The following ROBO1 variants were observed in gnomAD, a reference collection of about 807,000 sequenced individuals.
The protein encoded by ROBO1 is roundabout guidance receptor 1, also known as roundabout homolog 1.
ROBO1 carries 149 observed loss-of-function variants against 195.9 expected under a neutral mutation model. The observed-to-expected ratio is 0.76, with a 90% CI of 0.67 to 0.87. ROBO1 has a LOEUF of 0.87. Among genes scored for constraint, ROBO1 ranks in the 40% least tolerant of loss-of-function variants. ROBO1 has a pLI of 0.00. For missense variants in ROBO1, 1,933 were observed against 2,068.3 expected (o/e 0.93, Z 1.27); for synonymous variants, 816 against 733.2 (o/e 1.11, Z -1.82).
chr3:78,888,114 A>G (rs2036670630), intron 4 of ROBO1, among the ~76,000 whole-genome samples: 1 of 152,140 alleles, frequency 6.6e-6, no homozygotes, highest in Admixed American at 6.6e-5. Context: ...CATCCAAGGG[A>G]ATTTGAGGAC....
intron 4 of ROBO1, among the ~76,000 whole-genome samples, chr3:78,790,682 T>C (rs2083991150): frequency 6.6e-6 from 1 of 152,170 alleles, no homozygotes; most frequent in Non-Finnish European, 1.5e-5. Context: ...GAAAAAGGTA[T>C]TATCTCATAA....
intron 1 of ROBO1, among the ~76,000 whole-genome samples, chr3:79,627,827 A>G (rs988552643): frequency 1.3e-5 from 2 of 152,144 alleles, no homozygotes; most frequent in African/African-American, 4.8e-5. Flanking sequence ...CCATCAAAAA[A>G]TGGGTTAAAG....
At position 78,598,699 on chromosome 3, in the gene ROBO1, G is replaced by A; in HGVS notation, c.*214C>T. On this transcript the variant is annotated 3_prime_UTR_variant, in exon 31 of 31. Transcript: ENST00000464233. ...TATAATGGTTTGCTCCAACAGCGAG[G>A]GGAATAGGAAGGCTCTTTGTAGGGT... The A allele has an allele frequency of 2.6e-6, 1 of 389,208 alleles. No homozygotes were observed. The highest frequency in any genetic ancestry group is 4.6e-6 in the Non-Finnish European group (1 of 217,924). The allele number at this position is 389,208 out of a possible 1,614,324, so 24.1% of individuals were successfully genotyped here. A position where few individuals can be genotyped will look rare whatever the true frequency, so the allele number is the denominator to read the frequency against.
chr3:79,053,279 C>T (rs1436510157), intron 3 of ROBO1, among the ~76,000 whole-genome samples: 1 of 151,928 alleles, frequency 6.6e-6, no homozygotes, highest in Non-Finnish European at 1.5e-5. Flanking sequence ...ATCAGCCTCT[C>T]CCTTCATCTA....
intron 2 of ROBO1, among the ~76,000 whole-genome samples, chr3:79,507,451 C>T (rs6548623): frequency 0.72 from 110,177 of 152,106 alleles, 40,512 homozygotes; most frequent in African/African-American, 0.86. Flanking sequence ...CAAGAGGATG[C>T]AAATTTTTTG....
chr3:78,840,224 G>A (rs189558961), intron 4 of ROBO1, among the ~76,000 whole-genome samples: 16 of 152,188 alleles, frequency 1.1e-4, no homozygotes, highest in Admixed American at 7.2e-4. Flanking sequence ...AATAGATATG[G>A]TCTCAGAGGT....
chr3:79,555,076 C>T (rs1245104223), intron 2 of ROBO1, among the ~76,000 whole-genome samples: 1 of 152,046 alleles, frequency 6.6e-6, no homozygotes, highest in Non-Finnish European at 1.5e-5. Context: ...GAAAACACTA[C>T]TGAGTGTCTC....
At position 79,717,392 on chromosome 3, in the gene ROBO1, T is replaced by C. The variant is rs146853823; in HGVS notation, c.-51+50360A>G. Among the ~76,000 whole-genome samples, 5 of 152,036 alleles carry C rather than the reference T, an allele frequency of 3.3e-5. No homozygotes were observed. In the East Asian group the frequency reaches 9.7e-4, roughly 29 times the overall value. ...GCTAGAATGATAAAATGCCAGACAA[T>C]TGCATTTTAGGTTGGCTATCTTTAA... is the stretch of plus-strand genomic sequence containing the variant. On this transcript the variant is annotated intron_variant, in intron 1 of 30. Coordinates refer to ENST00000464233, the MANE Select transcript of ROBO1 (RefSeq NM_002941.4).
intron 3 of ROBO1, among the ~76,000 whole-genome samples, chr3:79,024,267 T>C (rs2078160676): frequency 6.6e-6 from 1 of 152,178 alleles, no homozygotes; most frequent in African/African-American, 2.4e-5. Context: ...CCTGGGGCCT[T>C]ACATATTAGC....
At chr3:79,192,440 A>C (rs1323636349) in intron 2 of ROBO1, among the ~76,000 whole-genome samples, 1 of 151,714 alleles carries the variant, frequency 6.6e-6, no homozygotes. Context: ...TACAAGGGGA[A>C]GAAAATTAGG....
rs1705462598 is a variant in ROBO1 at position 78,635,871 on chromosome 3, C to T, written c.3275G>A (p.Gly1092Glu). ...NLSNNMNNGS[G>E]DSGEKHWKPL... The stretch of plus-strand genomic sequence containing the variant: ...TTTCCAGTGCTTCTCGCCAGAGTCC[C>T]CGCTGCCATTGTTCATGTTGTTGCT... The change falls in exon 23 of 31, where the codon GGG (glycine) becomes GAG (glutamate). Residue 1092 changes from glycine to glutamate, a missense_variant. Physicochemically the swap from Gly to Glu is moderately conservative, Grantham distance 98 (BLOSUM62 -2). Around this residue, in one of 3 missense-constraint regions of ROBO1, gnomAD observed 1,737 missense variants for 1,882.5 expected, o/e 0.92. Transcript: ENST00000464233. The T allele has an allele frequency of 6.2e-7, 1 of 1,613,740 alleles. No homozygotes were observed. The highest frequency in any genetic ancestry group is 1.7e-5 in the Admixed American group (1 of 59,982).
At chr3:78,813,249 CACA>C (rs2084797844) in intron 4 of ROBO1, among the ~76,000 whole-genome samples, 1 of 81,018 alleles carries the variant, frequency 1.2e-5, no homozygotes. Flanking sequence ...CATGCACACA[CACA>C]CACACACACA....
At chr3:79,120,004 C>A (rs2080086309) in intron 3 of ROBO1, among the ~76,000 whole-genome samples, 1 of 151,982 alleles carries the variant, frequency 6.6e-6, no homozygotes, top group African/African-American at 2.4e-5. Context: ...ACTCCTGACC[C>A]AATGTAATCC....
intron 3 of ROBO1, among the ~76,000 whole-genome samples, chr3:78,971,337 C>G (rs1246761026): frequency 2.6e-5 from 4 of 152,096 alleles, no homozygotes; most frequent in African/African-American, 9.7e-5. Flanking sequence ...TGCAGACAGC[C>G]AAGACTGTGC....
chr3:79,443,299 C>T (rs2107139542), intron 2 of ROBO1, among the ~76,000 whole-genome samples: 1 of 152,228 alleles, frequency 6.6e-6, no homozygotes, highest in East Asian at 1.9e-4. Context: ...TAAGAATTCA[C>T]TCAGAGCTCC....
At chr3:79,226,140 A>C (rs945288860) in intron 2 of ROBO1, among the ~76,000 whole-genome samples, 1 of 152,172 alleles carries the variant, frequency 6.6e-6, no homozygotes, top group Admixed American at 6.5e-5. Flanking sequence ...ACTTTTTCGT[A>C]GTGGGCATAG....
chr3:78,608,479 T>A (rs537840679), intron 28 of ROBO1, among the ~76,000 whole-genome samples: 7 of 152,166 alleles, frequency 4.6e-5, no homozygotes, highest in Admixed American at 2.0e-4. Context: ...CTAGAAAAAA[T>A]TTTTTTAATC....
intron 1 of ROBO1, among the ~76,000 whole-genome samples, chr3:79,714,016 G>A (rs1362024070): frequency 6.6e-6 from 1 of 152,108 alleles, no homozygotes; most frequent in Non-Finnish European, 1.5e-5. Flanking sequence ...ATAGTTTGAA[G>A]TCATGTAGCA....
intron 3 of ROBO1, among the ~76,000 whole-genome samples, chr3:79,090,498 T>C (rs2079459475): frequency 6.7e-6 from 1 of 149,076 alleles, no homozygotes; most frequent in Non-Finnish European, 1.5e-5. Flanking sequence ...TTCCCTTTCT[T>C]TTGTTTTTTG....
Sources: gnomAD v4.1 joint callset for allele counts (sites outside exome capture counted in the v4.1 genomes callset) on GRCh38, gnomAD v4.1.1 for gene constraint, gnomAD v4.1.1 regional missense constraint, MANE v1.5 for transcripts, NCBI Gene and HGNC (gene_info 2026-07-23, HGNC 2026-07-21) for gene names.